The following DENND2A variants were observed in gnomAD, a reference collection of about 807,000 sequenced individuals.
DENND2A encodes the protein DENN domain containing 2A, also known as DENN domain-containing protein 2A.
Under a neutral mutation model 105.3 loss-of-function variants are expected in DENND2A, and 53 were observed. The ratio of observed to expected loss-of-function variants is 0.50; its 90% CI spans 0.40 to 0.63. The LOEUF is 0.63. Among genes scored for constraint, DENND2A ranks in the 30% least tolerant of loss-of-function variants. DENND2A has a pLI of 0.00. For synonymous variants in DENND2A, 522 were observed against 508.4 expected (o/e 1.03, Z -0.36); for missense variants, 1,138 against 1,279.6 (o/e 0.89, Z 1.69).
At position 140,547,037 on chromosome 7, in the gene DENND2A, A is replaced by G. The variant is rs1585598507; in HGVS notation, c.2038-98T>C. ...GTGGGCCTGCCATGGTGACTCAAGA[A>G]TTATGGGGAAGCCCTGCTTTCCCCA... On this transcript the variant is annotated intron_variant, in intron 12 of 19. Coordinates refer to ENST00000496613, the MANE Select transcript of DENND2A (RefSeq NM_015689.5). 4 of 1,464,926 alleles carry G rather than the reference A, an allele frequency of 2.7e-6. No individual in the cohort carries two copies. The East Asian group carries it at 6.9e-5, about 25-fold the overall frequency. The allele number at this position is 1,464,926 out of a possible 1,614,324, so 90.7% of individuals were successfully genotyped here. A position where few individuals can be genotyped will look rare whatever the true frequency, so the allele number is the denominator to read the frequency against.
At chr7:140,540,350 G>T (rs1186531674) in intron 14 of DENND2A, among the ~76,000 whole-genome samples, 1 of 152,244 alleles carries the variant, frequency 6.6e-6, no homozygotes, top group African/African-American at 2.4e-5. Flanking sequence ...GCTGGCATCT[G>T]ACCCACTCAC....
At chr7:140,592,108 C>G (rs1473784338) in intron 3 of DENND2A, among the ~76,000 whole-genome samples, 1 of 146,372 alleles carries the variant, frequency 6.8e-6, no homozygotes, top group Non-Finnish European at 1.5e-5. Context: ...GGTGCAATCT[C>G]GGCTCGCTGC....
intron 18 of DENND2A, 64 bp downstream of exon 18, chr7:140,521,791 A>C (rs753809805): frequency 5.6e-6 from 9 of 1,594,248 alleles, no homozygotes; most frequent in African/African-American, 2.7e-5. Flanking sequence ...CTCCCTACTC[A>C]TCAGCCGCCT....
At chr7:140,526,402 G>A (rs369393195) in intron 15 of DENND2A, among the ~76,000 whole-genome samples, 267 of 152,314 alleles carry the variant, frequency 1.8e-3, no homozygotes, top group African/African-American at 6.1e-3. Context: ...CTGAGAGCGC[G>A]ACCCTCACTC....
intron 14 of DENND2A, among the ~76,000 whole-genome samples, chr7:140,534,967 T>C (rs772142802): frequency 2.6e-4 from 39 of 152,204 alleles, no homozygotes; most frequent in East Asian, 3.9e-4. Flanking sequence ...GGTTCCTGAG[T>C]GTTGGAGCAG....
intron 8 of DENND2A, 78 bp from the exon 9 acceptor site, chr7:140,567,351 T>C (rs902543534): frequency 1.3e-5 from 14 of 1,097,844 alleles, no homozygotes; most frequent in Admixed American, 2.9e-5. Flanking sequence ...AGAGACAGAG[T>C]GAGCAAAGAG....
rs770511346 is a variant in DENND2A at position 140,527,374 on chromosome 7, G to A, written c.2449C>T (p.Leu817Phe). ...VDIVCSPTPFLIGLLSSSLPL... is the reference protein window; with the variant it reads ...VDIVCSPTPFFIGLLSSSLPL... ...AGCGAGCTGGAGAGCAGCCCGATGA[G>A]GAAGGGCGTCGGCGAGCACACGATG... The change falls in exon 15 of 20, where the codon CTC becomes TTC. Residue 817 changes from leucine (L) to phenylalanine (F), a missense_variant. Physicochemically the swap from Leu to Phe is conservative, Grantham distance 22. This residue lies in a region of DENND2A where 627 missense variants were observed against 779.8 expected (regional missense o/e 0.80). Coordinates refer to ENST00000496613, the MANE Select transcript of DENND2A (RefSeq NM_015689.5). This position sits in a 1 kb window ranked among gnomAD's most constrained non-coding sequence, Gnocchi z 4.9. 2 of 1,606,302 alleles carry A rather than the reference G, an allele frequency of 1.2e-6. No homozygotes were observed. Among genetic ancestry groups the A allele is most frequent in the East Asian group, 2.2e-5 (1 of 44,610 alleles).
At chr7:140,573,708 A>G in intron 6 of DENND2A, 100 bp downstream of exon 6, 1 of 1,326,530 alleles carries the variant, frequency 7.5e-7, no homozygotes, top group Non-Finnish European at 1.0e-6. Context: ...CAGGTGGGAG[A>G]GGGGCCAGTG....
chr7:140,612,544 C>G (rs541576302), intron 1 of DENND2A, among the ~76,000 whole-genome samples: 23 of 151,730 alleles, frequency 1.5e-4, no homozygotes, highest in Non-Finnish European at 3.2e-4. Flanking sequence ...CTCTGTTGCC[C>G]GATCTGGAGT....
At position 140,523,425 on chromosome 7, in the gene DENND2A, C is replaced by T; in HGVS notation, c.2548-1G>A. The T allele has an allele frequency of 2.5e-6, 4 of 1,614,092 alleles. No individual in the cohort carries two copies. Among genetic ancestry groups the T allele is most frequent in the Non-Finnish European group, 3.4e-6 (4 of 1,179,992 alleles). On this transcript the variant is annotated splice_acceptor_variant, in intron 16 of 19. Coordinates refer to ENST00000496613, the MANE Select transcript of DENND2A (RefSeq NM_015689.5). LOFTEE classifies it high-confidence loss of function. This position sits in a 1 kb window ranked among gnomAD's most constrained non-coding sequence, Gnocchi z 4.5. ...GCAGGATGGAGTCCTCATCGTCCAT[C>T]TGGAAAGCAGAGGTAGCAGGTGGGC...
In DENND2A at chr7:140,544,623, C is replaced by G. The variant is rs1309493744; in HGVS notation, c.2322G>C (p.Lys774Asn). 1 of 1,614,170 alleles carries G rather than the reference C, an allele frequency of 6.2e-7. No homozygotes were observed. Among genetic ancestry groups the G allele is most frequent in the Non-Finnish European group, 8.5e-7 (1 of 1,180,044 alleles). Residue 774 changes from lysine to asparagine, a missense_variant, in exon 14 of 20, where the codon AAG becomes AAC. Lys to Asn is a moderately conservative substitution (Grantham distance 94, BLOSUM62 0). Coordinates refer to ENST00000496613, the MANE Select transcript of DENND2A (RefSeq NM_015689.5). ...LERRVIFIAD[K>N]LSILSKCCHA... ...GAAGTAGCCAAGGCGGGTACCTGAG[C>G]TTGTCTGCAATGAAGATGACCCTCC...
chr7:140,598,892 CAA>C (rs1799380751), intron 3 of DENND2A, among the ~76,000 whole-genome samples: 1 of 151,616 alleles, frequency 6.6e-6, no homozygotes, highest in African/African-American at 2.4e-5. Flanking sequence ...AATAAACAAA[CAA>C]GAGGTTTATA....
chr7:140,600,275 G>A (rs191330035), intron 3 of DENND2A, among the ~76,000 whole-genome samples: 1 of 151,948 alleles, frequency 6.6e-6, no homozygotes, highest in African/African-American at 2.4e-5. Context: ...GGGGGAGGGA[G>A]TTGGGGCTGA....
chr7:140,539,688 G>A (rs78670283), intron 14 of DENND2A, among the ~76,000 whole-genome samples: 1,726 of 152,310 alleles, frequency 0.011, 37 homozygotes, highest in African/African-American at 0.039. Flanking sequence ...ATGAAATGAC[G>A]CAGGTCAGAC....
intron 5 of DENND2A, among the ~76,000 whole-genome samples, chr7:140,576,085 G>A (rs533837405): frequency 1.5e-3 from 222 of 150,968 alleles, no homozygotes; most frequent in African/African-American, 5.2e-3. Context: ...ACTTCAATGC[G>A]CCAACTGTAT....
chr7:140,519,623 G>C lies in DENND2A; in HGVS notation c.2998+9C>G. 1 of 1,613,438 alleles carries C rather than the reference G, an allele frequency of 6.2e-7. No individual in the cohort carries two copies. Among genetic ancestry groups the C allele is most frequent in the Non-Finnish European group, 8.5e-7 (1 of 1,179,588 alleles). Reference sequence around the variant, plus strand: ...ACACAGGCTGGGCACCCAGAGCCCGGGGCCTTACCTAGTCCCTTCAGGAAC... The same window carrying C: ...ACACAGGCTGGGCACCCAGAGCCCGCGGCCTTACCTAGTCCCTTCAGGAAC... On this transcript the variant is annotated intron_variant, in intron 19 of 19. Coordinates refer to ENST00000496613, the MANE Select transcript of DENND2A (RefSeq NM_015689.5).
rs764303784 is a variant in DENND2A at position 140,522,006 on chromosome 7, C to T, written c.2760G>A (p.Ser920=). 13 of 1,614,176 alleles carry T rather than the reference C, an allele frequency of 8.1e-6. No individual in the cohort carries two copies. The highest frequency in any genetic ancestry group is 3.3e-5 in the South Asian group (3 of 91,086). The change falls in exon 18 of 20, where the codon TCG becomes TCA. Residue 920 remains serine (S), a synonymous_variant. Coordinates refer to ENST00000496613, the MANE Select transcript of DENND2A (RefSeq NM_015689.5). ...GCAGGGTTCTCTCCTCACGCTCGCC[C>T]GACGTCAGGAACAAAGAGTAGTGTC... The part of the protein sequence containing the change: ...IVGHYSLFLT[S]GEREERTLQR...
chr7:140,610,579 A>AAC (rs942100258), intron 1 of DENND2A, among the ~76,000 whole-genome samples: 1 of 152,132 alleles, frequency 6.6e-6, no homozygotes, highest in Non-Finnish European at 1.5e-5. Context: ...CTTATCTCTG[A>AAC]ACACACTGTT....
At chr7:140,569,281 A>C (rs1797994167) in intron 7 of DENND2A, among the ~76,000 whole-genome samples, 1 of 152,190 alleles carries the variant, frequency 6.6e-6, no homozygotes, top group Non-Finnish European at 1.5e-5. Context: ...AACTCGATGT[A>C]CTGCCAAATT....
Sources: gnomAD v4.1 joint callset for allele counts (sites outside exome capture counted in the v4.1 genomes callset) on GRCh38, gnomAD v4.1.1 for gene constraint, gnomAD v4.1.1 regional missense constraint, Gnocchi (gnomAD v3.1) non-coding constraint, MANE v1.5 for transcripts, NCBI Gene and HGNC (gene_info 2026-07-23, HGNC 2026-07-21) for gene names.